The following CUX1 variants were observed in gnomAD, a reference collection of about 807,000 sequenced individuals.
The protein encoded by CUX1 is cut like homeobox 1.
In CUX1, 31 loss-of-function variants were observed where a neutral mutation model predicts 158.8. The ratio of observed to expected loss-of-function variants is 0.20; its 90% CI spans 0.15 to 0.26. CUX1 has a LOEUF of 0.26. CUX1 is among the 10% of genes least tolerant of loss of function. The pLI is 1.00. For missense variants in CUX1, 1,589 were observed against 2,014.6 expected (o/e 0.79, Z 4.04); for synonymous variants, 879 against 862.1 (o/e 1.02, Z -0.34).
intron 2 of CUX1, among the ~76,000 whole-genome samples, chr7:101,922,677 T>C (rs2906653): frequency 0.85 from 128,513 of 152,034 alleles, 54,703 homozygotes; most frequent in African/African-American, 0.9. Flanking sequence ...GGAGGGGGGA[T>C]TCTAGAGCTT....
At chr7:102,222,378 A>G (rs908727840) in intron 20 of CUX1, among the ~76,000 whole-genome samples, 1 of 152,126 alleles carries the variant, frequency 6.6e-6, no homozygotes, top group Non-Finnish European at 1.5e-5. Context: ...AGGAAGGTCG[A>G]GGTTTTCCCC....
chr7:102,178,332 G>A, intron 10 of CUX1, 137 bp from the exon 11 acceptor site: 3 of 846,306 alleles, frequency 3.5e-6, no homozygotes, highest in Non-Finnish European at 5.4e-6. Flanking sequence ...GTGCAAGCAA[G>A]GGCAAGAAGT....
Position 102,249,268 on chromosome 7 carries a change from C to T in CUX1, c.*226C>T. 2.8e-6 allele frequency: 3 copies of T among 1,056,708 alleles called. No homozygotes were observed. The highest frequency in any genetic ancestry group is 3.4e-6 in the Non-Finnish European group (3 of 875,150). 65.5% of individuals were successfully genotyped at this position (1,056,708 alleles called of 1,614,324 possible). On this transcript the variant is annotated 3_prime_UTR_variant, in exon 24 of 24. Transcript: ENST00000292535. ...CCCAGACCCACTCTGCGGCCCGGGC[C>T]GACCCTGCGGCCTCCACCAACCCCG...
At chr7:102,003,332 A>ACACACACGCC (rs898354137) in intron 2 of CUX1, among the ~76,000 whole-genome samples, 1 of 145,698 alleles carries the variant, frequency 6.9e-6, no homozygotes, top group Admixed American at 6.7e-5. Context: ...ACACACACAC[A>ACACACACGCC]CACGCCCGCC....
chr7:102,241,611 A>G (rs1800220649), intron 23 of CUX1, among the ~76,000 whole-genome samples: 1 of 152,218 alleles, frequency 6.6e-6, no homozygotes, highest in Non-Finnish European at 1.5e-5. Flanking sequence ...CAGGCTCTGA[A>G]CAAATTGGGA....
intron 4 of CUX1, among the ~76,000 whole-genome samples, chr7:102,091,707 A>G (rs1828599579): frequency 6.6e-6 from 1 of 152,174 alleles, no homozygotes; most frequent in African/African-American, 2.4e-5. Flanking sequence ...TGCTTTTGCC[A>G]AGAGAAAACC....
At chr7:102,111,171 T>G (rs1372486002) in intron 6 of CUX1, among the ~76,000 whole-genome samples, 2 of 152,058 alleles carry the variant, frequency 1.3e-5, no homozygotes, top group Admixed American at 1.3e-4. Context: ...TTAGAGATCC[T>G]GGGAAATCTG....
chr7:101,907,141 A>T lies in CUX1; in HGVS notation c.31-8974A>T, dbSNP rs556950276. The stretch of plus-strand genomic sequence containing the variant: ...GAGGTTAGACCTGGTTCTCAAACTT[A>T]TGAAATAAGTGAAAACATGAACGTT... On this transcript the variant is annotated intron_variant, in intron 1 of 23. Transcript: ENST00000292535. Among the ~76,000 whole-genome samples the T allele has an allele frequency of 1.1e-4, 16 of 152,334 alleles. No homozygotes were observed. The South Asian group carries it at 3.3e-3, about 32-fold the overall frequency.
In CUX1 at chr7:102,250,999, C is replaced by G; in HGVS notation, c.*1957C>G. On this transcript the variant is annotated 3_prime_UTR_variant, in exon 24 of 24. Coordinates refer to ENST00000292535, the MANE Select transcript of CUX1 (RefSeq NM_181552.4). ...ATTTTTTTTTGCTTATTTATAGGTG[C>G]TGTATTTTATTATCTGATTGTTAGG... The G allele has an allele frequency of 1.0e-6, 1 of 961,662 alleles. No homozygotes were observed. Among genetic ancestry groups the G allele is most frequent in the Non-Finnish European group, 1.2e-6 (1 of 808,878 alleles). The allele number at this position is 961,662 out of a possible 1,614,324, so 59.6% of individuals were successfully genotyped here.
chr7:101,942,476 A>AT (rs1317422380), intron 2 of CUX1, among the ~76,000 whole-genome samples: 3 of 152,092 alleles, frequency 2.0e-5, no homozygotes, highest in Admixed American at 6.5e-5. Flanking sequence ...AATTTTGTTG[A>AT]TTTTGAGACA....
chr7:101,876,856 T>C (rs552363118), intron 1 of CUX1, among the ~76,000 whole-genome samples: 235 of 152,244 alleles, frequency 1.5e-3, no homozygotes, highest in Non-Finnish European at 2.7e-3. Flanking sequence ...TCAAGTGATC[T>C]GCCTGCCTCG....
At chr7:102,122,401 T>C (rs1332918867) in intron 8 of CUX1, among the ~76,000 whole-genome samples, 1 of 152,010 alleles carries the variant, frequency 6.6e-6, no homozygotes, top group Non-Finnish European at 1.5e-5. Flanking sequence ...TTTTTTTTTC[T>C]TCCTGTGTCT....
intron 23 of CUX1, among the ~76,000 whole-genome samples, chr7:102,247,342 G>A (rs529410168): frequency 6.6e-6 from 1 of 152,302 alleles, no homozygotes; most frequent in Non-Finnish European, 1.5e-5. Flanking sequence ...TCCAATAATT[G>A]GTCCTCTCTC....
chr7:102,037,463 C>T (rs1392361826), intron 3 of CUX1, among the ~76,000 whole-genome samples: 1 of 151,658 alleles, frequency 6.6e-6, no homozygotes. Flanking sequence ...AGTGATTCTC[C>T]TGCCTCAGCC....
At chr7:102,275,404 C>T in intron 17 of CUX1, 1 of 1,452,522 alleles carries the variant, frequency 6.9e-7, no homozygotes, top group Non-Finnish European at 9.6e-7. Flanking sequence ...GGCCCAAGGA[C>T]ACAGTTGGGG....
intron 2 of CUX1, among the ~76,000 whole-genome samples, chr7:101,966,724 GGT>G (rs1811262667): frequency 6.6e-6 from 1 of 152,120 alleles, no homozygotes; most frequent in East Asian, 1.9e-4. Context: ...GAACATCAGA[GGT>G]GTGTGCTTCT....
intron 3 of CUX1, among the ~76,000 whole-genome samples, chr7:102,063,388 T>C (rs889104507): frequency 3.2e-4 from 44 of 137,124 alleles, no homozygotes; most frequent in African/African-American, 1.0e-3. Context: ...CTTTTCTTTT[T>C]TTTTTTTTTT....
At position 102,254,892 on chromosome 7, in the gene CUX1, T is replaced by C. The variant is rs545179827; in HGVS notation, c.*5850T>C. 2.0e-6 allele frequency: 2 copies of C among 985,482 alleles called. No homozygotes were observed. Among genetic ancestry groups the C allele is most frequent in the African/African-American group, 3.5e-5 (2 of 57,360 alleles). The allele number at this position is 985,482 out of a possible 1,614,324, so 61.0% of individuals were successfully genotyped here. A position where few individuals can be genotyped will look rare whatever the true frequency, so the allele number is the denominator to read the frequency against. ...TCTATTTCGATCAGGTTTTGACTTTTTGTAGATGAAAACTACCAGGGAAAA... is the reference window on the plus strand; with the variant it reads ...TCTATTTCGATCAGGTTTTGACTTTCTGTAGATGAAAACTACCAGGGAAAA... On this transcript the variant is annotated 3_prime_UTR_variant, in exon 24 of 24. Transcript: ENST00000292535.
chr7:101,854,101 T>C (rs1796550188), intron 1 of CUX1, among the ~76,000 whole-genome samples: 1 of 152,204 alleles, frequency 6.6e-6, no homozygotes, highest in South Asian at 2.1e-4. Context: ...CTGTCCTCTT[T>C]GTCAGGTGAG....
Sources: allele counts gnomAD v4.1 joint callset (sites outside exome capture counted in the v4.1 genomes callset), GRCh38; gene constraint gnomAD v4.1.1; transcripts MANE v1.5; gene names NCBI Gene and HGNC (gene_info 2026-07-23, HGNC 2026-07-21).